ZNF875: variants seen among roughly 807,000 people sequenced by gnomAD.
ZNF875 encodes the protein HKR1, GLI-Kruppel zinc finger family member.
A neutral mutation model predicts 11.2 loss-of-function variants in ZNF875; 14 were observed. The observed-to-expected ratio is 1.26, with a 90% confidence interval of 0.83 to 1.96. The LOEUF (loss-of-function observed/expected upper bound fraction) is 1.96, where lower values mean the gene tolerates loss of function less well. Among genes scored for constraint, ZNF875 ranks in the 30% most tolerant of loss-of-function variants. The pLI is 0.00. For synonymous variants in ZNF875, 301 were observed against 281.1 expected (o/e 1.07, Z -0.71); for missense variants, 752 against 760.4 (o/e 0.99, Z 0.13).
rs1227683912 is a variant in ZNF875 at position 37,362,235 on chromosome 19, C to G, written c.383C>G (p.Pro128Arg). 4 of 1,614,036 alleles carry G rather than the reference C, an allele frequency of 2.5e-6. No individual in the cohort carries two copies. Among genetic ancestry groups the G allele is most frequent in the African/African-American group, 1.3e-5 (1 of 74,928 alleles). The change falls in exon 5 of 5, where the codon CCT becomes CGT. Residue 128 changes from proline to arginine, a missense_variant. Pro to Arg is a moderately radical substitution (Grantham distance 103, BLOSUM62 -2). Coordinates refer to ENST00000392153, the MANE Select transcript of ZNF875 (RefSeq NM_001353803.2). ...TTTTCAAGTTTATGGGCAGGAAATC[C>G]TCTCCACCTGGGAAAACACTATCCA... ...QLFSSLWAGN[P>R]LHLGKHYPED...
intron 2 of ZNF875, chr19:37,345,026 G>A (rs951004107): frequency 1.5e-5 from 6 of 390,386 alleles, no homozygotes; most frequent in Admixed American, 1.1e-4. Context: ...TTCTCAGTGA[G>A]TACCTCCTTC....
At chr19:37,326,346 C>A (rs1248033877) in intron 4 of ZNF875, among the ~76,000 whole-genome samples, 1 of 152,166 alleles carries the variant, frequency 6.6e-6, no homozygotes, top group Admixed American at 6.5e-5. Flanking sequence ...ATCTACCCCA[C>A]ACCCCTGCAG....
chr19:37,332,437 G>C (rs541849384), upstream of ZNF875, among the ~76,000 whole-genome samples: 20 of 152,084 alleles, frequency 1.3e-4, no homozygotes, highest in African/African-American at 4.8e-4. Context: ...GGCTGGTCTC[G>C]AACTCCCGAC....
chr19:37,341,159 C>G (rs2035635270), intron 2 of ZNF875, among the ~76,000 whole-genome samples: 1 of 152,166 alleles, frequency 6.6e-6, no homozygotes. Flanking sequence ...AGCCAACGGT[C>G]ACATTAGTCA....
upstream of ZNF875, among the ~76,000 whole-genome samples, chr19:37,314,268 C>T (rs868348449): frequency 8.5e-5 from 13 of 152,164 alleles, no homozygotes; most frequent in Middle Eastern, 0.014. Context: ...TGCACCAATA[C>T]GCCCACCTAA....
rs2040298566 is a variant in ZNF875 at position 37,363,356 on chromosome 19, G to A, written c.1504G>A (p.Gly502Arg). 2 of 1,612,876 alleles carry A rather than the reference G, an allele frequency of 1.2e-6. No homozygotes were observed. Among genetic ancestry groups the A allele is most frequent in the Non-Finnish European group, 1.7e-6 (2 of 1,179,262 alleles). ...TLSTHQRTHS[G>R]EKPFVCAECG... Reference sequence around the variant, plus strand: ...GAGCACGCACCAGAGGACACACTCAGGGGAGAAGCCATTTGTATGTGCTGA... The same window carrying A: ...GAGCACGCACCAGAGGACACACTCAAGGGAGAAGCCATTTGTATGTGCTGA... The change falls in exon 5 of 5, where the codon GGG becomes AGG. Residue 502 changes from glycine (G) to arginine (R), a missense_variant. Transcript: ENST00000392153.
Position 37,362,547 on chromosome 19 carries a change from G to A in ZNF875, c.695G>A (p.Gly232Glu). 3 of 1,614,160 alleles carry A rather than the reference G, an allele frequency of 1.9e-6. No homozygotes were observed. The highest frequency in any genetic ancestry group is 2.5e-6 in the Non-Finnish European group (3 of 1,180,032). ...GGAGAAATCAAATATGAAGAGTTTG[G>A]GCCAGGCTTTATCAAGGAGTCAAAC... ...GFGEIKYEEF[G>E]PGFIKESNLL... Residue 232 changes from glycine (G) to glutamate (E), a missense_variant, in exon 5 of 5, where the codon GGG (glycine) becomes GAG (glutamate). Coordinates refer to ENST00000392153, the MANE Select transcript of ZNF875 (RefSeq NM_001353803.2).
At chr19:37,337,309 C>G (rs773227716) in intron 2 of ZNF875, 3 of 152,160 alleles carry the variant, frequency 2.0e-5, no homozygotes, top group Non-Finnish European at 2.9e-5. Context: ...GGGGACAAAT[C>G]AGAAAATGCT....
upstream of ZNF875, chr19:37,313,081 C>T (rs544985100): frequency 6.6e-6 from 1 of 152,428 alleles, no homozygotes; most frequent in Admixed American, 6.5e-5. Context: ...GTCAGCTTCT[C>T]TCCCATTAGA....
chr19:37,335,513 A>G (rs527376853), intron 2 of ZNF875, among the ~76,000 whole-genome samples: 2 of 152,214 alleles, frequency 1.3e-5, no homozygotes, highest in Non-Finnish European at 2.9e-5. Flanking sequence ...AAAAAAGTAT[A>G]TTTGGAAGAA....
chr19:37,341,464 G>A (rs754473973), intron 2 of ZNF875, among the ~76,000 whole-genome samples: 1 of 152,064 alleles, frequency 6.6e-6, no homozygotes, highest in African/African-American at 2.4e-5. Context: ...GCTTGGGCTT[G>A]GTCAAATGGT....
chr19:37,322,461 AC>A lies in ZNF875; in HGVS notation c.-699+231del, dbSNP rs2031660013. ...AGAGCAAATACCCACCAGAGAGAAT[AC>A]CGTAAGGGATGTGGAAAGTGAGTTT... On this transcript the variant is annotated intron_variant, in intron 2 of 5. Transcript: ENST00000544914. Among the ~76,000 whole-genome samples the A allele has an allele frequency of 6.6e-5, 10 of 152,318 alleles. 1 individual carries two copies. In the South Asian group the frequency reaches 2.1e-3, roughly 32 times the overall value.
At chr19:37,345,835 C>T (rs933050208) in intron 2 of ZNF875, among the ~76,000 whole-genome samples, 3 of 152,174 alleles carry the variant, frequency 2.0e-5, no homozygotes, top group African/African-American at 7.2e-5. Flanking sequence ...AATCCCAGTG[C>T]TAGATTTCCA....
chr19:37,315,989 G>C (rs894133723), upstream of ZNF875, among the ~76,000 whole-genome samples: 1 of 152,044 alleles, frequency 6.6e-6, no homozygotes, highest in Non-Finnish European at 1.5e-5. Flanking sequence ...GTTCGTTTTC[G>C]CATTCCATCC....
At chr19:37,335,104 T>C (rs1259620445) in intron 1 of ZNF875, 65 bp from the exon 2 acceptor site, 2 of 658,258 alleles carry the variant, frequency 3.0e-6, no homozygotes, top group Non-Finnish European at 5.6e-6. Flanking sequence ...TGGAGCGGAC[T>C]GCGCTTCACT....
chr19:37,362,938 G>C lies in ZNF875; in HGVS notation c.1086G>C (p.Gly362=). ...NLITHQRAHT[G]EKPYVCRECG... Reference sequence around the variant, plus strand: ...TTACCCACCAGAGGGCGCACACTGGGGAGAAGCCTTATGTTTGCAGGGAAT... The same window carrying C: ...TTACCCACCAGAGGGCGCACACTGGCGAGAAGCCTTATGTTTGCAGGGAAT... The change falls in exon 5 of 5, where the codon GGG becomes GGC. Residue 362 remains glycine (G), a synonymous_variant. Transcript: ENST00000392153. The C allele has an allele frequency of 6.2e-7, 1 of 1,614,170 alleles. No individual in the cohort carries two copies. The highest frequency in any genetic ancestry group is 1.3e-5 in the African/African-American group (1 of 75,036).
intron 2 of ZNF875, chr19:37,337,112 T>C (rs1223871309): frequency 1.3e-5 from 2 of 152,122 alleles, no homozygotes; most frequent in African/African-American, 2.4e-5. Flanking sequence ...TTCTTTGGTG[T>C]CAGACAATTT....
upstream of ZNF875, among the ~76,000 whole-genome samples, chr19:37,332,134 C>T (rs1273837198): frequency 6.7e-6 from 1 of 148,472 alleles, no homozygotes; most frequent in African/African-American, 2.5e-5. Context: ...TGCTGACCCT[C>T]TCCCCACAAT....
intron 4 of ZNF875, among the ~76,000 whole-genome samples, chr19:37,355,613 A>G (rs1600178365): frequency 1.3e-5 from 2 of 152,242 alleles, no homozygotes; most frequent in South Asian, 2.1e-4. Context: ...TACCATTCGT[A>G]TTATAATTTT....
Sources: allele counts gnomAD v4.1 joint callset (sites outside exome capture counted in the v4.1 genomes callset), GRCh38; gene constraint gnomAD v4.1.1; transcripts MANE v1.5; gene names NCBI Gene and HGNC (gene_info 2026-07-23, HGNC 2026-07-21).